TNFAIP2: variants seen among roughly 807,000 people sequenced by gnomAD.
The protein encoded by TNFAIP2 is tumor necrosis factor alpha-induced protein 2.
TNFAIP2 carries 47 observed loss-of-function variants against 63.5 expected under a neutral mutation model. That is an observed-to-expected ratio of 0.74 (90% CI 0.59 to 0.94). The LOEUF (loss-of-function observed/expected upper bound fraction) is 0.94, where lower values mean the gene tolerates loss of function less well. Ranked by LOEUF, TNFAIP2 falls within the 40% of genes least tolerant of loss-of-function variation. The probability of loss-of-function intolerance (pLI) is 0.00; values close to 1 mark genes in which losing one functional copy is unlikely to be tolerated. For synonymous variants in TNFAIP2, 405 were observed against 390.2 expected, an observed-to-expected ratio of 1.04 and a Z score of -0.45; for missense variants, 787 against 850.2, an observed-to-expected ratio of 0.93 and a Z score of 0.92.
intron 9 of TNFAIP2, 56 bp from the exon 10 acceptor site, chr14:103,133,306 T>C (rs2088024815): frequency 1.9e-6 from 3 of 1,580,378 alleles, no homozygotes; most frequent in Non-Finnish European, 2.6e-6. Flanking sequence ...TCAAGGGAGG[T>C]GGCGAGCTCC....
rs1382416667 is a variant in TNFAIP2, at chr14:103,135,642, G to A, written c.*282G>A. ...CGATAGCTGATCGTGTGCACGCAAG[G>A]AAAGAACCAGGAGGGAGAGTGCAGC... On this transcript the variant is annotated 3_prime_UTR_variant, in exon 12 of 12. Coordinates refer to ENST00000560869, the MANE Select transcript of TNFAIP2 (RefSeq NM_006291.4). The surrounding 1 kb of genome is among the most constrained non-coding windows in gnomAD (Gnocchi z 7.6). 1.5e-6 allele frequency: 2 copies of A among 1,306,934 alleles called. No individual in the cohort carries two copies. The highest frequency in any genetic ancestry group is 3.0e-5 in the African/African-American group (2 of 66,524). The allele number at this position is 1,306,934 out of a possible 1,614,324, so 81.0% of individuals were successfully genotyped here.
Position 103,127,206 on chromosome 14 carries a change from C to T in TNFAIP2, c.437C>T (p.Ala146Val). 1.8e-6 allele frequency: 2 copies of T among 1,114,690 alleles called. No homozygotes were observed. Among genetic ancestry groups the T allele is most frequent in the Non-Finnish European group, 2.2e-6 (2 of 908,858 alleles). The allele number at this position is 1,114,690 out of a possible 1,614,324, so 69.0% of individuals were successfully genotyped here. ...GGCGTGCTGCGGCGGCCGCTGGAGG[C>T]GCCGCCCGAGCGGCTGCGCCAGGCG... is the stretch of plus-strand genomic sequence containing the variant. The part of the protein sequence containing the change: ...VLGVLRRPLE[A>V]PPERLRQALA... The change falls in exon 3 of 12, where the codon GCG (alanine) becomes GTG (valine). Residue 146 changes from alanine (A) to valine (V), a missense_variant. Ala to Val is a moderately conservative substitution (Grantham distance 64, BLOSUM62 0). Transcript: ENST00000560869. This position sits in a 1 kb window ranked among gnomAD's most constrained non-coding sequence, Gnocchi z 5.1.
In TNFAIP2 at chr14:103,126,614, A is replaced by C. The variant is rs1250197865; in HGVS notation, c.157A>C (p.Lys53Gln). The change falls in exon 2 of 12, where the codon AAG becomes CAG. Residue 53 changes from lysine (K) to glutamine (Q), a missense_variant. This residue lies in a region of TNFAIP2 where 258 missense variants were observed against 228.9 expected (regional missense o/e 1.13). Transcript: ENST00000560869. ...VFCVFTKGKK[K>Q]KGQPSSAEPE... ...CTGCGTCTTCACCAAAGGGAAGAAG[A>C]AGAAGGGTCAGCCCAGCTCAGCGGA... 1 of 1,554,164 alleles carries C rather than the reference A, an allele frequency of 6.4e-7. No homozygotes were observed. The highest frequency in any genetic ancestry group is 8.7e-7 in the Non-Finnish European group (1 of 1,148,642).
Position 103,131,774 on chromosome 14 carries a change from C to T in TNFAIP2, c.1422+12C>T. The T allele has an allele frequency of 6.2e-7, 1 of 1,608,280 alleles. No homozygotes were observed. Among genetic ancestry groups the T allele is most frequent in the South Asian group, 1.1e-5 (1 of 90,894 alleles). On this transcript the variant is annotated intron_variant, in intron 8 of 11. Transcript: ENST00000560869. The surrounding 1 kb of genome is among the most constrained non-coding windows in gnomAD (Gnocchi z 4.0). ...ATGAGGACCTGAAGGTAGCGGGAGCCTCTTGCCCTCAGGAGCCCAGTGTTG... is the reference window on the plus strand; with the variant it reads ...ATGAGGACCTGAAGGTAGCGGGAGCTTCTTGCCCTCAGGAGCCCAGTGTTG...
rs778031942 is a variant in TNFAIP2 at position 103,130,419 on chromosome 14, G to C, written c.1199+4G>C. The C allele has an allele frequency of 6.6e-5, 103 of 1,556,826 alleles. No homozygotes were observed. The highest frequency in any genetic ancestry group is 8.2e-5 in the Non-Finnish European group (94 of 1,150,498). On this transcript the variant is annotated splice_donor_region_variant and intron_variant, in intron 6 of 11. Transcript: ENST00000560869. ...AGCTGCCTGCGTTCCTGAGGAGGTGGGTGTGTGCCCAGGATGGGGTCCCTG... is the reference window on the plus strand; with the variant it reads ...AGCTGCCTGCGTTCCTGAGGAGGTGCGTGTGTGCCCAGGATGGGGTCCCTG...
In TNFAIP2 at chr14:103,130,921, G is replaced by C. The variant is rs2234136; in HGVS notation, c.1200-131G>C. ...AGTTCCATGATGCCCAGGGGCTAGC[G>C]GCCCCTCCCTTGGCTATGGGCAGCC... is the stretch of plus-strand genomic sequence containing the variant. On this transcript the variant is annotated intron_variant, in intron 6 of 11. Transcript: ENST00000560869. The C allele has an allele frequency of 1.2e-5, 10 of 852,434 alleles. 1 individual carries two copies. Among genetic ancestry groups the C allele is most frequent in the African/African-American group, 5.0e-5 (3 of 59,850 alleles). 52.8% of individuals were successfully genotyped at this position (852,434 alleles called of 1,614,324 possible).
In TNFAIP2 at chr14:103,135,286, C is replaced by CGG. The variant is rs778941545; in HGVS notation, c.1892_1893dup (p.Ser632GlyfsTer21). 6.2e-7 allele frequency: 1 copy of CGG among 1,613,868 alleles called. No homozygotes were observed. The highest frequency in any genetic ancestry group is 1.3e-5 in the African/African-American group (1 of 74,922). Reference sequence around the variant, plus strand: ...ATCCAACAGTGAGGTCAAGCGCATCCGGAGCATCTTGGACGTCAGCATGGG... The same window carrying CGG: ...ATCCAACAGTGAGGTCAAGCGCATCCGGGGAGCATCTTGGACGTCAGCATGGG... On this transcript the variant is annotated frameshift_variant, in exon 12 of 12. Coordinates refer to ENST00000560869, the MANE Select transcript of TNFAIP2 (RefSeq NM_006291.4). LOFTEE classifies it high-confidence loss of function. This position sits in a 1 kb window ranked among gnomAD's most constrained non-coding sequence, Gnocchi z 7.6.
In TNFAIP2 at chr14:103,125,337, C is replaced by T. The variant is rs8176383; in HGVS notation, c.-148-973C>T. ...GCTGGGCAGGGACTCTGGGGAAGCT[C>T]GGGTCTTGCCTCTCTGGATGTAGCT... On this transcript the variant is annotated intron_variant, in intron 1 of 11. Coordinates refer to ENST00000560869, the MANE Select transcript of TNFAIP2 (RefSeq NM_006291.4). Among the ~76,000 whole-genome samples, 766 of 152,284 alleles carry T rather than the reference C, an allele frequency of 5.0e-3. 10 individuals are homozygous for T. Among genetic ancestry groups the T allele is most frequent in the African/African-American group, 0.018 (740 of 41,550 alleles).
chr14:103,123,153 G>A (rs1188320986), upstream of TNFAIP2: 4 of 237,704 alleles, frequency 1.7e-5, no homozygotes, highest in Non-Finnish European at 2.6e-5. Flanking sequence ...AGCCGTCGTC[G>A]GACAATGGCT....
chr14:103,136,002 G>A lies in TNFAIP2; in HGVS notation c.*642G>A, dbSNP rs1160082593. 7.8e-7 allele frequency: 1 copy of A among 1,287,162 alleles called. No individual in the cohort carries two copies. Among genetic ancestry groups the A allele is most frequent in the Non-Finnish European group, 1.0e-6 (1 of 988,010 alleles). The allele number at this position is 1,287,162 out of a possible 1,614,324, so 79.7% of individuals were successfully genotyped here. On this transcript the variant is annotated 3_prime_UTR_variant, in exon 12 of 12. Transcript: ENST00000560869. Reference sequence around the variant, plus strand: ...CAGGCTGGCCCTGCAATGGGGCCCTGAGCCCTCCCTCTTCATCCCCCAAGG... The same window carrying A: ...CAGGCTGGCCCTGCAATGGGGCCCTAAGCCCTCCCTCTTCATCCCCCAAGG...
upstream of TNFAIP2, among the ~76,000 whole-genome samples, chr14:103,123,179 C>T (rs925945707): frequency 1.1e-4 from 16 of 152,010 alleles, no homozygotes; most frequent in African/African-American, 3.9e-4. Context: ...CCTGACAACC[C>T]CGTCGTCCCC....
chr14:103,125,407 G>C (rs1040936160), intron 1 of TNFAIP2, among the ~76,000 whole-genome samples: 1 of 152,230 alleles, frequency 6.6e-6, no homozygotes, highest in Non-Finnish European at 1.5e-5. Context: ...GCTGGGCTCT[G>C]GGACCGGGTG....
chr14:103,129,415 G>C (rs1595280369), intron 3 of TNFAIP2, among the ~76,000 whole-genome samples: 1 of 152,262 alleles, frequency 6.6e-6, no homozygotes, highest in African/African-American at 2.4e-5. Context: ...CTTTTGCAGT[G>C]AGCCAGCGGG....
In TNFAIP2 at chr14:103,131,621, T is replaced by A. The variant is rs767657930; in HGVS notation, c.1299-18T>A. On this transcript the variant is annotated intron_variant, in intron 7 of 11. Coordinates refer to ENST00000560869, the MANE Select transcript of TNFAIP2 (RefSeq NM_006291.4). The surrounding 1 kb of genome is among the most constrained non-coding windows in gnomAD (Gnocchi z 4.0). ...GGCTGAGCAGGGCTGGGGTGACCTC[T>A]CTGCCTCCACCTTCCAGGATGTCCA... is the stretch of plus-strand genomic sequence containing the variant. The A allele has an allele frequency of 6.3e-7, 1 of 1,580,690 alleles. No homozygotes were observed. Among genetic ancestry groups the A allele is most frequent in the South Asian group, 1.1e-5 (1 of 88,402 alleles).
rs1415013225 is a variant in TNFAIP2, at chr14:103,127,087, G to A, written c.318G>A (p.Ala106=). ...TGGCGCTGGAGCGGGAGCTGGCGGCGGCGGCGGCGGCGGGCGGTGTGAGCG... is the reference window on the plus strand; with the variant it reads ...TGGCGCTGGAGCGGGAGCTGGCGGCAGCGGCGGCGGCGGGCGGTGTGAGCG... ...PLLALERELA[A]AAAAGGVSEE... is the part of the protein sequence containing the mutation. Residue 106 remains alanine, a synonymous_variant, in exon 3 of 12, where the codon GCG becomes GCA. Coordinates refer to ENST00000560869, the MANE Select transcript of TNFAIP2 (RefSeq NM_006291.4). The surrounding 1 kb of genome is among the most constrained non-coding windows in gnomAD (Gnocchi z 5.1). The A allele has an allele frequency of 4.5e-6, 5 of 1,106,556 alleles. No individual in the cohort carries two copies. Among genetic ancestry groups the A allele is most frequent in the Non-Finnish European group, 5.5e-6 (5 of 908,690 alleles). 68.5% of individuals were successfully genotyped at this position (1,106,556 alleles called of 1,614,324 possible).
intron 2 of TNFAIP2, 97 bp from the exon 3 acceptor site, chr14:103,126,908 G>A (rs1566962102): frequency 2.1e-6 from 3 of 1,406,296 alleles, no homozygotes; most frequent in East Asian, 2.6e-5. Context: ...CGCCGGCCCT[G>A]TGCGCGTCTA....
intron 6 of TNFAIP2, 50 bp downstream of exon 6, chr14:103,130,465 A>G (rs1381789874): frequency 3.3e-6 from 5 of 1,520,106 alleles, no homozygotes; most frequent in Non-Finnish European, 3.6e-6. Flanking sequence ...TCTCAGAGCC[A>G]CGGCCCCTCC....
intron 3 of TNFAIP2, among the ~76,000 whole-genome samples, chr14:103,128,747 T>G (rs2087911785): frequency 6.6e-6 from 1 of 152,032 alleles, no homozygotes; most frequent in African/African-American, 2.4e-5. Context: ...ACGGGAGAGA[T>G]AACCCAGCCC....
At chr14:103,132,348 C>G (rs1307146502) in intron 8 of TNFAIP2, among the ~76,000 whole-genome samples, 1 of 152,206 alleles carries the variant, frequency 6.6e-6, no homozygotes, top group Non-Finnish European at 1.5e-5. Context: ...GTGTCAGGGA[C>G]TAGCGGCCAT....
Sources: gnomAD v4.1 joint callset for allele counts (sites outside exome capture counted in the v4.1 genomes callset) on GRCh38, gnomAD v4.1.1 for gene constraint, gnomAD v4.1.1 regional missense constraint, Gnocchi (gnomAD v3.1) non-coding constraint, MANE v1.5 for transcripts, NCBI Gene and HGNC (gene_info 2026-07-23, HGNC 2026-07-21) for gene names.